The following NISCH variants were observed in gnomAD, a reference collection of about 807,000 sequenced individuals.
NISCH encodes the protein nischarin, also known as I-1 receptor candidate protein.
In NISCH, 55 loss-of-function variants were observed where a neutral mutation model predicts 138.4. The observed-to-expected ratio is 0.40, with a 90% CI of 0.32 to 0.50. The LOEUF is 0.50. Ranked by LOEUF, NISCH falls within the 20% of genes least tolerant of loss-of-function variation. The pLI, the probability that NISCH is intolerant of heterozygous loss-of-function variation, is 0.71. For missense variants in NISCH, 1,643 were observed against 2,005.5 expected (o/e 0.82, Z 3.45); for synonymous variants, 860 against 861.5 (o/e 1.00, Z 0.03).
At chr3:52,474,504 G>C (rs966359714) in intron 7 of NISCH, among the ~76,000 whole-genome samples, 2 of 152,086 alleles carry the variant, frequency 1.3e-5, no homozygotes, top group African/African-American at 4.8e-5. Flanking sequence ...CACCATGTTA[G>C]CCAGGATGGT....
chr3:52,467,031 A>C (rs185317661), intron 3 of NISCH, among the ~76,000 whole-genome samples: 1,631 of 126,638 alleles, frequency 0.013, 33 homozygotes, highest in African/African-American at 0.043. Context: ...ACAGAGTCTC[A>C]CTCTTGTTGC....
intron 2 of NISCH, 84 bp from the exon 3 acceptor site, chr3:52,458,578 G>C: frequency 8.4e-7 from 1 of 1,196,216 alleles, no homozygotes; most frequent in Non-Finnish European, 1.2e-6. Flanking sequence ...GCTGACAAGC[G>C]CCTGCCCTCA....
At position 52,472,234 on chromosome 3, in the gene NISCH, C is replaced by T. The variant is rs1416268950; in HGVS notation, c.574-69C>T. The T allele has an allele frequency of 5.0e-6, 7 of 1,413,328 alleles. 1 individual carries two copies. Among genetic ancestry groups the T allele is most frequent in the Admixed American group, 3.4e-5 (2 of 59,298 alleles). The allele number at this position is 1,413,328 out of a possible 1,614,324, so 87.5% of individuals were successfully genotyped here. On this transcript the variant is annotated intron_variant, in intron 5 of 20. Transcript: ENST00000345716. ...GTGGTCAAAGTTGTCTTCAACTTGT[C>T]AGCTGCTGCAGCACTCCCCGATGGG...
chr3:52,479,941 G>A, intron 12 of NISCH, 79 bp downstream of exon 12: 5 of 1,218,392 alleles, frequency 4.1e-6, no homozygotes, highest in Non-Finnish European at 5.9e-6. Flanking sequence ...CTTGGGCCAT[G>A]GGACTGCTCA....
chr3:52,457,431 C>A (rs10865972), intron 1 of NISCH, among the ~76,000 whole-genome samples: 143,712 of 152,304 alleles, frequency 0.94, 67,843 homozygotes, highest in East Asian at 0.98. Flanking sequence ...GATGCTCAGG[C>A]TAGAACTGGC....
At position 52,489,481 on chromosome 3, in the gene NISCH, C is replaced by T; in HGVS notation, c.3259C>T (p.Pro1087Ser). Residue 1087 changes from proline (P) to serine (S), a missense_variant, in exon 17 of 21, where the codon CCA (proline) becomes TCA (serine). Transcript: ENST00000345716. ...PAEASTSALVPEETPVEAPAP... is the reference protein window; with the variant it reads ...PAEASTSALVSEETPVEAPAP... ...AGAGGCCTCAACTTCAGCTTTGGTC[C>T]CAGAGGAGACGCCAGTGGAAGCTCC... 1.2e-6 allele frequency: 2 copies of T among 1,607,648 alleles called. No homozygotes were observed. The highest frequency in any genetic ancestry group is 1.1e-5 in the South Asian group (1 of 90,986).
chr3:52,457,696 A>T, intron 1 of NISCH, 147 bp from the exon 2 acceptor site: 1 of 682,932 alleles, frequency 1.5e-6, no homozygotes, highest in Non-Finnish European at 2.7e-6. Context: ...GGGCAGCCTG[A>T]CTTTGGCCTT....
At chr3:52,470,838 C>T (rs1204691832) in intron 3 of NISCH, 21 bp from the exon 4 acceptor site, 2 of 1,613,782 alleles carry the variant, frequency 1.2e-6, no homozygotes, top group Admixed American at 1.7e-5. Context: ...TTTCTAAGGG[C>T]AAATTTTGTG....
At position 52,479,880 on chromosome 3, in the gene NISCH, G is replaced by C. The variant is rs759147349; in HGVS notation, c.1416+18G>C. ...AGAAGAAGGTGGGTTTGTGTGGCAG[G>C]TGGGAGGGCAGTGGTGCAGAGCCAG... On this transcript the variant is annotated intron_variant, in intron 12 of 20. Coordinates refer to ENST00000345716, the MANE Select transcript of NISCH (RefSeq NM_007184.4). 1 of 1,589,052 alleles carries C rather than the reference G, an allele frequency of 6.3e-7. No homozygotes were observed. Among genetic ancestry groups the C allele is most frequent in the East Asian group, 2.2e-5 (1 of 44,670 alleles).
chr3:52,484,462 T>TGGGGCGCCCC, intron 13 of NISCH, 51 bp from the exon 14 acceptor site: 2 of 788,670 alleles, frequency 2.5e-6, no homozygotes, highest in Non-Finnish European at 3.7e-6. Context: ...ACAGCCGCTC[T>TGGGGCGCCCC]CCCCGCCCCA....
intron 2 of NISCH, 105 bp from the exon 3 acceptor site, chr3:52,458,557 G>T: frequency 5.6e-6 from 5 of 895,558 alleles, no homozygotes; most frequent in Admixed American, 2.4e-5. Context: ...GCAGGGAGGG[G>T]CTGTGCAAGT....
At position 52,455,630 on chromosome 3, in the gene NISCH, G is replaced by A; in HGVS notation, c.-12G>A. On this transcript the variant is annotated 5_prime_UTR_variant, in exon 1 of 21. Coordinates refer to ENST00000345716, the MANE Select transcript of NISCH (RefSeq NM_007184.4). The stretch of plus-strand genomic sequence containing the variant: ...GTCTGCGCCGGGCGGCGGTGGCGGC[G>A]GAGACCCGAACATGGCGACCGCGCG... 7.6e-7 allele frequency: 1 copy of A among 1,323,368 alleles called. No homozygotes were observed. Among genetic ancestry groups the A allele is most frequent in the Non-Finnish European group, 9.7e-7 (1 of 1,029,106 alleles). The allele number at this position is 1,323,368 out of a possible 1,614,324, so 82.0% of individuals were successfully genotyped here.
At chr3:52,459,299 A>G (rs1706563934) in intron 3 of NISCH, among the ~76,000 whole-genome samples, 1 of 152,176 alleles carries the variant, frequency 6.6e-6, no homozygotes, top group Non-Finnish European at 1.5e-5. Flanking sequence ...TTGAGGGTGG[A>G]CACCTTCCTG....
chr3:52,462,843 G>A (rs1706674585), intron 3 of NISCH, among the ~76,000 whole-genome samples: 1 of 151,872 alleles, frequency 6.6e-6, no homozygotes, highest in African/African-American at 2.4e-5. Context: ...TCACTATGTT[G>A]GTGAGGCTGG....
intron 13 of NISCH, chr3:52,481,740 G>GC: frequency 1.0e-6 from 1 of 985,552 alleles, no homozygotes; most frequent in Non-Finnish European, 1.2e-6. Context: ...GCTGCAGGCA[G>GC]CCCCCCACAT....
chr3:52,481,112 A>C, intron 13 of NISCH: 1 of 1,294,810 alleles, frequency 7.7e-7, no homozygotes, highest in South Asian at 2.6e-5. Flanking sequence ...TTGACCTGGT[A>C]ACCCCACTGG....
rs1337853286 is a variant in NISCH at position 52,472,296 on chromosome 3, G to A, written c.574-7G>A. On this transcript the variant is annotated splice_polypyrimidine_tract_variant and splice_region_variant and intron_variant, in intron 5 of 20. Transcript: ENST00000345716. ...GTTCCCAATTTAAGCCTTATCTTTG[G>A]CTTCAGGTTTCTGGCACAGAAGGAC... 4 of 1,613,788 alleles carry A rather than the reference G, an allele frequency of 2.5e-6. No individual in the cohort carries two copies. Among genetic ancestry groups the A allele is most frequent in the Non-Finnish European group, 2.5e-6 (3 of 1,179,778 alleles).
intron 4 of NISCH, 64 bp downstream of exon 4, chr3:52,470,971 G>A: frequency 1.3e-6 from 2 of 1,544,514 alleles, no homozygotes; most frequent in Non-Finnish European, 1.8e-6. Flanking sequence ...GGCGGCCAGA[G>A]GCACAGGATG....
In NISCH at chr3:52,477,736, G is replaced by C; in HGVS notation, c.987+94G>C. Reference sequence around the variant, plus strand: ...TGACGCAGCCTTGGGAATTGGCCAGGGGTTGTAAGGGCAGGGGTTGCTGTC... The same window carrying C: ...TGACGCAGCCTTGGGAATTGGCCAGCGGTTGTAAGGGCAGGGGTTGCTGTC... On this transcript the variant is annotated intron_variant, in intron 9 of 20. Transcript: ENST00000345716. The C allele has an allele frequency of 2.9e-6, 3 of 1,020,132 alleles. No homozygotes were observed. The South Asian group carries it at 3.9e-5, about 13-fold the overall frequency. The allele number at this position is 1,020,132 out of a possible 1,614,324, so 63.2% of individuals were successfully genotyped here.
Sources: allele counts gnomAD v4.1 joint callset (sites outside exome capture counted in the v4.1 genomes callset), GRCh38; gene constraint gnomAD v4.1.1; transcripts MANE v1.5; gene names NCBI Gene and HGNC (gene_info 2026-07-23, HGNC 2026-07-21).